PARD3: variants seen among roughly 807,000 people sequenced by gnomAD.
PARD3 encodes the protein par-3 family cell polarity regulator, also known as partitioning defective 3 homolog.
PARD3 carries 75 observed loss-of-function variants against 155.4 expected under a neutral mutation model. The ratio of observed to expected loss-of-function variants is 0.48; its 90% CI spans 0.40 to 0.58. The LOEUF (loss-of-function observed/expected upper bound fraction) is 0.58. PARD3 is among the 20% of genes least tolerant of loss of function. The pLI, the probability that PARD3 is intolerant of heterozygous loss-of-function variation, is 0.00. For synonymous variants in PARD3, 576 were observed against 610.5 expected (o/e 0.94, Z 0.83); for missense variants, 1,642 against 1,721.7 (o/e 0.95, Z 0.82).
chr10:34,257,994 C>G (rs887807974), intron 22 of PARD3, among the ~76,000 whole-genome samples: 5 of 152,158 alleles, frequency 3.3e-5, no homozygotes, highest in Non-Finnish European at 7.3e-5. Context: ...ATGTATAACA[C>G]CAAAGAGCCA....
At chr10:34,303,585 G>A (rs2134037414) in intron 20 of PARD3, among the ~76,000 whole-genome samples, 1 of 151,404 alleles carries the variant, frequency 6.6e-6, no homozygotes, top group South Asian at 2.1e-4. Flanking sequence ...TTTCCTAATA[G>A]CTAAAATCAG....
At chr10:34,560,358 G>A (rs949130267) in intron 2 of PARD3, among the ~76,000 whole-genome samples, 3 of 152,016 alleles carry the variant, frequency 2.0e-5, no homozygotes, top group Non-Finnish European at 4.4e-5. Flanking sequence ...AAAAGTTAAC[G>A]ATACCATAGA....
chr10:34,452,798 A>T (rs1416555445), intron 4 of PARD3, among the ~76,000 whole-genome samples: 6 of 152,222 alleles, frequency 3.9e-5, no homozygotes, highest in Non-Finnish European at 8.8e-5. Context: ...TCCCAAAGAT[A>T]CCTCGAAACT....
At chr10:34,138,582 C>A (rs1264677063) in intron 22 of PARD3, among the ~76,000 whole-genome samples, 2 of 152,140 alleles carry the variant, frequency 1.3e-5, no homozygotes, top group Non-Finnish European at 2.9e-5. Context: ...GGATCTGGGT[C>A]AAACACACAA....
chr10:34,413,798 A>G (rs990170736), intron 5 of PARD3, among the ~76,000 whole-genome samples: 1 of 152,212 alleles, frequency 6.6e-6, no homozygotes, highest in South Asian at 2.1e-4. Context: ...GTTGATGACT[A>G]TAAACGTTCT....
At chr10:34,732,791 G>C (rs1393902461) in intron 1 of PARD3, among the ~76,000 whole-genome samples, 1 of 152,170 alleles carries the variant, frequency 6.6e-6, no homozygotes, top group African/African-American at 2.4e-5. Flanking sequence ...CATAATATTT[G>C]CCTTTGCAAT....
At chr10:34,686,678 T>G (rs1431943577) in intron 2 of PARD3, among the ~76,000 whole-genome samples, 4 of 150,882 alleles carry the variant, frequency 2.7e-5, no homozygotes, top group Non-Finnish European at 5.9e-5. Flanking sequence ...GGGAAGGAGG[T>G]TGCAGTGAAC....
rs186724185 is a variant in PARD3 at position 34,588,033 on chromosome 10, G to A, written c.223-70874C>T. ...AAGATGAAGCAGGGACCCCTCTTACGGGCCTAACCTCCACCCCTTCCAGGC... is the reference window on the plus strand; with the variant it reads ...AAGATGAAGCAGGGACCCCTCTTACAGGCCTAACCTCCACCCCTTCCAGGC... On this transcript the variant is annotated intron_variant, in intron 2 of 24. Transcript: ENST00000374788. Among the ~76,000 whole-genome samples the A allele has an allele frequency of 5.9e-5, 9 of 152,186 alleles. No individual in the cohort carries two copies. In the East Asian group the frequency reaches 1.5e-3, roughly 26 times the overall value.
chr10:34,365,557 ATTAG>A (rs757322129), intron 12 of PARD3, among the ~76,000 whole-genome samples: 2 of 152,184 alleles, frequency 1.3e-5, no homozygotes, highest in Non-Finnish European at 2.9e-5. Flanking sequence ...CATGATACAT[ATTAG>A]TTAAATAGGT....
At chr10:34,381,778 G>A (rs1841851421) in intron 9 of PARD3, among the ~76,000 whole-genome samples, 1 of 151,660 alleles carries the variant, frequency 6.6e-6, no homozygotes, top group African/African-American at 2.4e-5. Context: ...CAAAAAATTT[G>A]TAAATGAGAT....
intron 1 of PARD3, among the ~76,000 whole-genome samples, chr10:34,713,418 C>A (rs559239380): frequency 6.6e-6 from 1 of 151,984 alleles, no homozygotes; most frequent in African/African-American, 2.4e-5. Context: ...CAATCTAAGA[C>A]GCATTCCATT....
At chr10:34,494,894 G>C (rs1176654738) in intron 3 of PARD3, among the ~76,000 whole-genome samples, 1 of 152,084 alleles carries the variant, frequency 6.6e-6, no homozygotes, top group Non-Finnish European at 1.5e-5. Flanking sequence ...AGGATGCACT[G>C]GTAACAGGAT....
At chr10:34,709,005 T>C (rs1279626699) in intron 1 of PARD3, among the ~76,000 whole-genome samples, 1 of 152,044 alleles carries the variant, frequency 6.6e-6, no homozygotes, top group Non-Finnish European at 1.5e-5. Flanking sequence ...TGCAAAAAAA[T>C]ACACACGTAC....
At chr10:34,437,236 A>G (rs1184747862) in intron 5 of PARD3, among the ~76,000 whole-genome samples, 2 of 152,168 alleles carry the variant, frequency 1.3e-5, no homozygotes, top group South Asian at 2.1e-4. Context: ...AACTCAAAAA[A>G]ACAAAAAATC....
At chr10:34,367,384 G>A (rs778313143) in intron 12 of PARD3, among the ~76,000 whole-genome samples, 10 of 152,194 alleles carry the variant, frequency 6.6e-5, no homozygotes, top group East Asian at 1.9e-4. Flanking sequence ...AATCATTTTC[G>A]TAACTATAAC....
At chr10:34,390,539 C>T (rs947258518) in intron 7 of PARD3, among the ~76,000 whole-genome samples, 3 of 152,122 alleles carry the variant, frequency 2.0e-5, no homozygotes, top group Non-Finnish European at 4.4e-5. Flanking sequence ...GATTCCTATC[C>T]TTCATATGTA....
At chr10:34,362,069 G>A (rs1237671512) in intron 12 of PARD3, among the ~76,000 whole-genome samples, 3 of 152,020 alleles carry the variant, frequency 2.0e-5, no homozygotes, top group African/African-American at 7.2e-5. Context: ...CGAGGTCGAA[G>A]CAGGTGGATC....
chr10:34,443,638 C>A (rs549474933), intron 5 of PARD3, among the ~76,000 whole-genome samples: 5 of 152,130 alleles, frequency 3.3e-5, no homozygotes, highest in African/African-American at 1.2e-4. Context: ...ATGGGAAAGA[C>A]CTGCCTGCCC....
intron 1 of PARD3, among the ~76,000 whole-genome samples, chr10:34,708,665 T>C (rs1480786039): frequency 6.6e-6 from 1 of 152,024 alleles, no homozygotes; most frequent in Non-Finnish European, 1.5e-5. Context: ...TTCACTAAAG[T>C]GTACATTAGA....
Sources: allele counts gnomAD v4.1 joint callset (sites outside exome capture counted in the v4.1 genomes callset), GRCh38; gene constraint gnomAD v4.1.1; transcripts MANE v1.5; gene names NCBI Gene and HGNC (gene_info 2026-07-23, HGNC 2026-07-21).